Variants in SARAF observed in about 807,000 individuals in gnomAD.
SARAF encodes store-operated calcium entry-associated regulatory factor.
Under a neutral mutation model 39.7 loss-of-function variants are expected in SARAF, and 23 were observed. The ratio of observed to expected loss-of-function variants is 0.58; its 90% CI spans 0.42 to 0.82. The LOEUF is 0.82. Ranked by LOEUF, SARAF falls within the 40% of genes least tolerant of loss-of-function variation. SARAF has a pLI of 0.00. For missense variants in SARAF, 384 were observed against 418.5 expected (o/e 0.92, Z 0.72); for synonymous variants, 175 against 168.5 (o/e 1.04, Z -0.30).
At chr8:30,079,274 C>T (rs1802047656) in intron 1 of SARAF, among the ~76,000 whole-genome samples, 1 of 151,554 alleles carries the variant, frequency 6.6e-6, no homozygotes, top group African/African-American at 2.4e-5. Flanking sequence ...TTTGGGAATT[C>T]AGTAAGATGA....
chr8:30,069,798 G>C lies in SARAF; in HGVS notation c.544C>G (p.Leu182Val). The change falls in exon 3 of 6, where the codon CTC becomes GTC. Residue 182 changes from leucine (L) to valine (V), a missense_variant. Leu to Val is a conservative substitution (Grantham distance 32, BLOSUM62 1). Transcript: ENST00000256255. Reference sequence around the variant, plus strand: ...TAGACTACAAACGCGATCCCAAGGAGTACCACAATGGTAATCAATCCACTC... The same window carrying C: ...TAGACTACAAACGCGATCCCAAGGACTACCACAATGGTAATCAATCCACTC... ...NMSGLITIVV[L>V]LGIAFVVYKL... is the part of the protein sequence containing the mutation. The C allele has an allele frequency of 6.2e-7, 1 of 1,614,104 alleles. No individual in the cohort carries two copies. Among genetic ancestry groups the C allele is most frequent in the Non-Finnish European group, 8.5e-7 (1 of 1,180,004 alleles).
chr8:30,074,486 C>T (rs1162605827), intron 1 of SARAF, among the ~76,000 whole-genome samples: 2 of 152,142 alleles, frequency 1.3e-5, no homozygotes, highest in Non-Finnish European at 2.9e-5. Context: ...TGGAATATTA[C>T]ATAGCAGTTA....
intron 3 of SARAF, among the ~76,000 whole-genome samples, chr8:30,069,006 T>G (rs1011869134): frequency 1.3e-5 from 2 of 152,164 alleles, no homozygotes; most frequent in Non-Finnish European, 2.9e-5. Context: ...TTTTACCTTT[T>G]ACGTTGAGAT....
At chr8:30,064,555 A>T (rs1301664622) in intron 5 of SARAF, among the ~76,000 whole-genome samples, 42,307 of 52,174 alleles carry the variant, frequency 0.81, 17,079 homozygotes, top group Middle Eastern at 0.88. Context: ...ATATATATAT[A>T]TATATATTTT....
Position 30,066,061 on chromosome 8 carries a change from G to A in SARAF, c.921C>T (p.Tyr307=). The change falls in exon 5 of 6, where the codon TAC becomes TAT. Residue 307 remains tyrosine (Y), a synonymous_variant. Transcript: ENST00000256255. ...PSYPGTWNRA[Y]SPLHGGSGSY... ...TGCCCGAGCCTCCATGAAGGGGTGA[G>A]TAAGCCCTATTCCACGTGCCAGGGT... 6.2e-7 allele frequency: 1 copy of A among 1,614,144 alleles called. No homozygotes were observed. The highest frequency in any genetic ancestry group is 8.5e-7 in the Non-Finnish European group (1 of 1,180,012).
chr8:30,082,817 G>T (rs148566221), intron 1 of SARAF, 30 bp downstream of exon 1: 17,878 of 1,418,250 alleles, frequency 0.013, 146 homozygotes, highest in Non-Finnish European at 0.015. Context: ...AAGGGCGAAC[G>T]AAGCGCCTGA....
intron 1 of SARAF, 69 bp from the exon 2 acceptor site, chr8:30,074,124 C>T (rs1801906079): frequency 2.0e-6 from 3 of 1,521,004 alleles, no homozygotes; most frequent in Admixed American, 3.8e-5. Flanking sequence ...TTCATCCTAA[C>T]GAAACTCTCG....
chr8:30,077,170 G>GT (rs1801986615), intron 1 of SARAF, among the ~76,000 whole-genome samples: 1 of 152,136 alleles, frequency 6.6e-6, no homozygotes, highest in South Asian at 2.1e-4. Context: ...AAAAACAACA[G>GT]AACTGCCAGG....
In SARAF at chr8:30,082,903, AG is replaced by A. The variant is rs751880013; in HGVS notation, c.46del (p.Leu16SerfsTer8). 1 of 1,561,742 alleles carries A rather than the reference AG, an allele frequency of 6.4e-7. No homozygotes were observed. The highest frequency in any genetic ancestry group is 1.2e-5 in the South Asian group (1 of 84,862). On this transcript the variant is annotated frameshift_variant, in exon 1 of 6. Coordinates refer to ENST00000256255, the MANE Select transcript of SARAF (RefSeq NM_016127.6). LOFTEE classifies it high-confidence loss of function. ...GPGAAGYCLL[L>X]GLHLFLLTAG... ...GGTCAGCAGAAACAAATGCAAGCCG[AG>A]GAGCAAGCAGTACCCGGCCGCTCCC...
chr8:30,080,503 C>A (rs1297440337), intron 1 of SARAF, among the ~76,000 whole-genome samples: 2 of 152,192 alleles, frequency 1.3e-5, no homozygotes, highest in Non-Finnish European at 2.9e-5. Context: ...CGGTGCATAC[C>A]AATTTTCACA....
chr8:30,070,210 C>T (rs1425363573), intron 2 of SARAF, 151 bp from the exon 3 acceptor site: 2 of 649,866 alleles, frequency 3.1e-6, no homozygotes, highest in Non-Finnish European at 5.2e-6. Context: ...GAGTTCAAGA[C>T]CCGCCTGGCC....
chr8:30,067,146 G>C (rs774937285), intron 3 of SARAF: 38 of 512,026 alleles, frequency 7.4e-5, no homozygotes, highest in African/African-American at 1.2e-4. Context: ...TTTGGGACTG[G>C]GGAGGGTCTT....
intron 3 of SARAF, 148 bp downstream of exon 3, chr8:30,069,494 G>A: frequency 1.2e-6 from 1 of 819,136 alleles, no homozygotes; most frequent in East Asian, 2.6e-5. Flanking sequence ...CCAAACAGAA[G>A]AGGTAAAAGA....
At chr8:30,078,180 G>GAAA (rs71204259) in intron 1 of SARAF, 3 of 285,418 alleles carry the variant, frequency 1.1e-5, no homozygotes, top group Non-Finnish European at 2.0e-5. Context: ...ACAGTAGGAG[G>GAAA]AAAAAAAAAA....
intron 5 of SARAF, among the ~76,000 whole-genome samples, chr8:30,064,545 A>ATCT (rs1327312959): frequency 3.0e-5 from 1 of 32,972 alleles, no homozygotes; most frequent in Non-Finnish European, 6.1e-5. Flanking sequence ...ATATATATAT[A>ATCT]TATATATATA....
chr8:30,064,841 G>A (rs1801647579), intron 5 of SARAF, among the ~76,000 whole-genome samples: 1 of 151,752 alleles, frequency 6.6e-6, no homozygotes, highest in African/African-American at 2.4e-5. Flanking sequence ...GGTATTACAG[G>A]TGTGAGCCAC....
chr8:30,082,749 T>G, intron 1 of SARAF, 98 bp downstream of exon 1: 1 of 942,448 alleles, frequency 1.1e-6, no homozygotes, highest in Non-Finnish European at 1.5e-6. Context: ...GCACCCAGGC[T>G]CCGGGAAGAC....
rs1563349436 is a variant in SARAF, at chr8:30,063,831, G to GAA, written c.*55_*56dup. ...ACAGGTAGTACTTTTTTTCTAAAGA[G>GAA]AAAGTGATGAAAAATCCAAAATTTC... is the stretch of plus-strand genomic sequence containing the variant. On this transcript the variant is annotated 3_prime_UTR_variant, in exon 6 of 6. Transcript: ENST00000256255. 6.7e-7 allele frequency: 1 copy of GAA among 1,482,112 alleles called. No homozygotes were observed. The highest frequency in any genetic ancestry group is 2.3e-5 in the East Asian group (1 of 44,130). The allele number at this position is 1,482,112 out of a possible 1,614,324, so 91.8% of individuals were successfully genotyped here. A position where few individuals can be genotyped will look rare whatever the true frequency, so the allele number is the denominator to read the frequency against.
At chr8:30,077,498 C>A (rs1364644166) in intron 1 of SARAF, among the ~76,000 whole-genome samples, 1 of 151,234 alleles carries the variant, frequency 6.6e-6, no homozygotes, top group African/African-American at 2.4e-5. Context: ...AAAAGAAAAT[C>A]TTCTAGAAAG....
Sources: allele counts gnomAD v4.1 joint callset (sites outside exome capture counted in the v4.1 genomes callset), GRCh38; gene constraint gnomAD v4.1.1; transcripts MANE v1.5; gene names NCBI Gene and HGNC (gene_info 2026-07-23, HGNC 2026-07-21).